The following MTMR9 variants were observed in gnomAD, a reference collection of about 807,000 sequenced individuals.
MTMR9 encodes the protein myotubularin related protein 9.
Under a neutral mutation model 69.5 loss-of-function variants are expected in MTMR9, and 39 were observed. The observed-to-expected ratio is 0.56, with a 90% CI of 0.43 to 0.73. The LOEUF (loss-of-function observed/expected upper bound fraction) is 0.73. Ranked by LOEUF, MTMR9 falls within the 30% of genes least tolerant of loss-of-function variation. MTMR9 has a pLI of 0.00. For synonymous variants in MTMR9, 354 were observed against 240.8 expected, an observed-to-expected ratio of 1.47 and a Z score of -4.35; for missense variants, 900 against 671.2, an observed-to-expected ratio of 1.34 and a Z score of -3.77.
chr8:11,305,065 T>A, intron 4 of MTMR9, 51 bp downstream of exon 4: 1 of 1,549,146 alleles, frequency 6.5e-7, no homozygotes, highest in Non-Finnish European at 8.8e-7. Context: ...GGGTTGGGGA[T>A]CTTTTCGTAG....
intron 8 of MTMR9, chr8:11,318,487 C>T (rs1342275838): frequency 6.6e-6 from 1 of 152,206 alleles, no homozygotes; most frequent in African/African-American, 2.4e-5. Flanking sequence ...CATAAATAAT[C>T]ATGTGGTTTC....
intron 3 of MTMR9, among the ~76,000 whole-genome samples, chr8:11,302,242 G>C (rs970484918): frequency 7.7e-5 from 7 of 90,990 alleles, no homozygotes; most frequent in Non-Finnish European, 1.9e-5. Flanking sequence ...GAGAGAGCAA[G>C]ACCCTGTCTC....
intron 9 of MTMR9, 134 bp downstream of exon 9, chr8:11,319,972 A>G: frequency 2.6e-6 from 2 of 760,636 alleles, no homozygotes; most frequent in Non-Finnish European, 3.9e-6. Context: ...TGTCATTCTC[A>G]GTGTGGGCAT....
At chr8:11,286,543 G>A (rs961229491) in intron 1 of MTMR9, among the ~76,000 whole-genome samples, 1 of 151,560 alleles carries the variant, frequency 6.6e-6, no homozygotes, top group Non-Finnish European at 1.5e-5. Context: ...GCAGGTGCCT[G>A]TAATCCCAGT....
At chr8:11,289,603 T>A (rs1799308179) in intron 1 of MTMR9, among the ~76,000 whole-genome samples, 1 of 152,160 alleles carries the variant, frequency 6.6e-6, no homozygotes, top group Non-Finnish European at 1.5e-5. Flanking sequence ...TCCTCCCTAA[T>A]TTTCACTCCC....
chr8:11,298,725 C>A (rs915904334), intron 2 of MTMR9: 13 of 906,786 alleles, frequency 1.4e-5, no homozygotes, highest in Non-Finnish European at 1.7e-5. Context: ...GCTGCACCCC[C>A]CCCCCGCCAT....
At chr8:11,292,474 C>G (rs1170279379) in intron 1 of MTMR9, among the ~76,000 whole-genome samples, 5 of 152,158 alleles carry the variant, frequency 3.3e-5, no homozygotes, top group African/African-American at 7.2e-5. Flanking sequence ...TGTGAGAGTT[C>G]TATTTCCTCC....
At chr8:11,297,033 A>G (rs1799585706) in intron 2 of MTMR9, among the ~76,000 whole-genome samples, 1 of 152,226 alleles carries the variant, frequency 6.6e-6, no homozygotes. Context: ...GCCTTATTTT[A>G]AACTATTGCC....
intron 9 of MTMR9, chr8:11,321,523 G>C (rs1266074010): frequency 4.4e-6 from 2 of 456,734 alleles, no homozygotes; most frequent in East Asian, 1.4e-4. Context: ...ATAAGTGATG[G>C]GATGAAATCC....
chr8:11,307,828 C>T (rs1799996577), intron 5 of MTMR9, among the ~76,000 whole-genome samples: 1 of 151,736 alleles, frequency 6.6e-6, no homozygotes, highest in Non-Finnish European at 1.5e-5. Context: ...TTTCAAATAC[C>T]TATTGGCCAT....
At chr8:11,288,946 G>C (rs972238988) in intron 1 of MTMR9, among the ~76,000 whole-genome samples, 1 of 152,166 alleles carries the variant, frequency 6.6e-6, no homozygotes, top group East Asian at 1.9e-4. Flanking sequence ...GCCGAGGCGG[G>C]CAGATCACCT....
chr8:11,333,004 G>A (rs77156033), downstream of MTMR9, among the ~76,000 whole-genome samples: 841 of 152,296 alleles, frequency 5.5e-3, 5 homozygotes, highest in African/African-American at 0.019. Flanking sequence ...AATAAAAATA[G>A]TGAATAGACT....
intron 4 of MTMR9, among the ~76,000 whole-genome samples, chr8:11,305,506 T>A (rs1799905985): frequency 6.6e-6 from 1 of 152,228 alleles, no homozygotes; most frequent in Non-Finnish European, 1.5e-5. Flanking sequence ...ATAACTACCT[T>A]GTAATGGTGG....
downstream of MTMR9, chr8:11,331,130 C>T: frequency 6.2e-7 from 1 of 1,604,842 alleles, no homozygotes; most frequent in Non-Finnish European, 8.5e-7. Context: ...ACCCCTACTT[C>T]AACCTGCCTG....
At chr8:11,293,540 C>G (rs10108740) in intron 1 of MTMR9, among the ~76,000 whole-genome samples, 11,113 of 152,166 alleles carry the variant, frequency 0.073, 711 homozygotes, top group Admixed American at 0.21. Context: ...TTTCAAAGAG[C>G]AGACGTTTTA....
downstream of MTMR9, among the ~76,000 whole-genome samples, chr8:11,330,130 C>A (rs1408357505): frequency 6.6e-6 from 1 of 151,738 alleles, no homozygotes; most frequent in Non-Finnish European, 1.5e-5. Context: ...GCCCGGCCAG[C>A]AGCCCCGTCC....
intron 4 of MTMR9, 42 bp downstream of exon 4, chr8:11,305,056 G>C (rs772087080): frequency 1.3e-6 from 2 of 1,579,752 alleles, no homozygotes; most frequent in South Asian, 1.1e-5. Context: ...GAAAGGCTTG[G>C]GTTGGGGATC....
chr8:11,314,841 T>C (rs1281280428), intron 6 of MTMR9, 82 bp from the exon 7 acceptor site: 2 of 1,381,102 alleles, frequency 1.4e-6, no homozygotes, highest in African/African-American at 2.9e-5. Context: ...AATGTTGTGC[T>C]CAATAAACGC....
At chr8:11,298,635 G>A (rs1415982938) in intron 2 of MTMR9, 1 of 481,250 alleles carries the variant, frequency 2.1e-6, no homozygotes, top group Non-Finnish European at 2.7e-6. Flanking sequence ...TTGCTGTTGG[G>A]CCTTCTCCTC....
Sources: allele counts gnomAD v4.1 joint callset (sites outside exome capture counted in the v4.1 genomes callset), GRCh38; gene constraint gnomAD v4.1.1; transcripts MANE v1.5; gene names NCBI Gene and HGNC (gene_info 2026-07-23, HGNC 2026-07-21).